LEO1: variants seen among roughly 807,000 people sequenced by gnomAD.
LEO1 encodes LEO1 component of Paf1/RNA polymerase II complex, also known as RNA polymerase-associated protein LEO1.
A neutral mutation model predicts 80.4 loss-of-function variants in LEO1; 34 were observed. That is an observed-to-expected ratio of 0.42 (90% CI 0.32 to 0.56). LEO1 has a LOEUF of 0.56. LEO1 is among the 20% of genes least tolerant of loss of function. LEO1 has a pLI of 0.10. For missense variants in LEO1, 631 were observed against 814.2 expected (o/e 0.77, Z 2.74); for synonymous variants, 262 against 274.9 (o/e 0.95, Z 0.46).
chr15:51,958,859 A>G lies in LEO1; in HGVS notation c.1161-33T>C, dbSNP rs552225174. 7 of 1,181,914 alleles carry G rather than the reference A, an allele frequency of 5.9e-6. No homozygotes were observed. In the South Asian group the frequency reaches 8.2e-5, roughly 14 times the overall value. The allele number at this position is 1,181,914 out of a possible 1,614,324, so 73.2% of individuals were successfully genotyped here. A position where few individuals can be genotyped will look rare whatever the true frequency, so the allele number is the denominator to read the frequency against. On this transcript the variant is annotated intron_variant, in intron 5 of 11. Coordinates refer to ENST00000299601, the MANE Select transcript of LEO1 (RefSeq NM_138792.4). ...TTGTTTTCCAAATAAACTATTAATCATATTTTATAAAGAATATTACTGCTA... is the reference window on the plus strand; with the variant it reads ...TTGTTTTCCAAATAAACTATTAATCGTATTTTATAAAGAATATTACTGCTA...
chr15:51,952,810 A>G (rs757728958), intron 8 of LEO1, among the ~76,000 whole-genome samples: 4 of 152,252 alleles, frequency 2.6e-5, no homozygotes, highest in African/African-American at 4.8e-5. Context: ...ACTAAAAACA[A>G]AGGACACACT....
Position 51,953,126 on chromosome 15 carries a change from T to C in LEO1, c.1475+3A>G, listed in dbSNP as rs747364579. 3 of 1,606,862 alleles carry C rather than the reference T, an allele frequency of 1.9e-6. No homozygotes were observed. Among genetic ancestry groups the C allele is most frequent in the South Asian group, 1.1e-5 (1 of 90,166 alleles). ...AATAATACATAATAATAATAACAGT[T>C]ACCTGAAGGTGAGTTTCGTTTTAAA... On this transcript the variant is annotated splice_donor_region_variant and intron_variant, in intron 8 of 11. Coordinates refer to ENST00000299601, the MANE Select transcript of LEO1 (RefSeq NM_138792.4).
intron 2 of LEO1, among the ~76,000 whole-genome samples, chr15:51,964,704 G>A (rs1163934392): frequency 6.6e-6 from 1 of 152,152 alleles, no homozygotes; most frequent in Non-Finnish European, 1.5e-5. Context: ...TGAGGTGTGT[G>A]TTAGATGCCC....
At chr15:51,940,335 C>T (rs1267068261) in intron 11 of LEO1, among the ~76,000 whole-genome samples, 2 of 146,770 alleles carry the variant, frequency 1.4e-5, no homozygotes, top group Non-Finnish European at 3.0e-5. Context: ...CCGAGGTGGG[C>T]AGATCACGAG....
chr15:51,943,112 G>T (rs922499680), intron 11 of LEO1, among the ~76,000 whole-genome samples: 2 of 152,072 alleles, frequency 1.3e-5, no homozygotes, highest in African/African-American at 4.8e-5. Context: ...GGGCGTGGTG[G>T]TTCACACCTG....
intron 9 of LEO1, among the ~76,000 whole-genome samples, chr15:51,950,492 T>G (rs889494538): frequency 6.6e-6 from 1 of 152,178 alleles, no homozygotes; most frequent in Admixed American, 6.5e-5. Flanking sequence ...CGGCTCCTGA[T>G]GACAGGTTGG....
Position 51,960,738 on chromosome 15 carries a change from A to C in LEO1, c.920-5T>G. 6.4e-7 allele frequency: 1 copy of C among 1,553,030 alleles called. No homozygotes were observed. ...AATCCATGGTTCCACTATTATCTTC[A>C]ATGCAGAAGGAAAAAGGCATTAGTG... is the stretch of plus-strand genomic sequence containing the variant. On this transcript the variant is annotated splice_region_variant and splice_polypyrimidine_tract_variant and intron_variant, in intron 3 of 11. Transcript: ENST00000299601.
intron 5 of LEO1, 88 bp downstream of exon 5, chr15:51,959,811 A>G (rs1014596346): frequency 3.4e-5 from 43 of 1,256,696 alleles, no homozygotes; most frequent in Non-Finnish European, 4.4e-5. Flanking sequence ...CGTTTTTGTG[A>G]TTTGTCAACT....
At chr15:51,954,762 GA>G (rs1031119094) in intron 6 of LEO1, 187 bp from the exon 7 acceptor site, 7 of 549,352 alleles carry the variant, frequency 1.3e-5, no homozygotes, top group South Asian at 2.3e-5. Context: ...TAAAAGCAGG[GA>G]AAAAAATATG....
chr15:51,946,351 C>T (rs2056901137), intron 11 of LEO1, among the ~76,000 whole-genome samples: 2 of 152,068 alleles, frequency 1.3e-5, no homozygotes, highest in South Asian at 2.1e-4. Context: ...GCATGCGCCA[C>T]CACGCCCTGC....
At chr15:51,943,351 C>T (rs1196341478) in intron 11 of LEO1, among the ~76,000 whole-genome samples, 1 of 150,812 alleles carries the variant, frequency 6.6e-6, no homozygotes, top group East Asian at 1.9e-4. Flanking sequence ...TGCACTCCAG[C>T]CTGGGCGACA....
intron 1 of LEO1, among the ~76,000 whole-genome samples, chr15:51,967,665 T>G (rs1434570549): frequency 1.3e-5 from 2 of 152,174 alleles, no homozygotes; most frequent in African/African-American, 4.8e-5. Flanking sequence ...TCATCCCATA[T>G]GAGGAACGCT....
intron 1 of LEO1, 36 bp downstream of exon 1, chr15:51,971,652 G>A (rs1704827466): frequency 6.2e-7 from 1 of 1,608,410 alleles, no homozygotes; most frequent in African/African-American, 1.3e-5. Flanking sequence ...CGGAAGGCCT[G>A]CCACGCACCC....
intron 1 of LEO1, among the ~76,000 whole-genome samples, chr15:51,968,782 T>C (rs1192550949): frequency 6.6e-6 from 1 of 151,854 alleles, no homozygotes; most frequent in Non-Finnish European, 1.5e-5. Context: ...TAAGCCGAGA[T>C]TGCGCCACTG....
chr15:51,951,723 A>G lies in LEO1; in HGVS notation c.1611+121T>C, dbSNP rs552256080. 5 of 811,198 alleles carry G rather than the reference A, an allele frequency of 6.2e-6. No homozygotes were observed. In the African/African-American group the frequency reaches 6.9e-5, roughly 11 times the overall value. 50.3% of individuals were successfully genotyped at this position (811,198 alleles called of 1,614,324 possible). ...GCTGAGGAAATGAATCCAGCTCCCT[A>G]TTCATGTCAGTTGGAAGAGGAAAAG... On this transcript the variant is annotated intron_variant, in intron 9 of 11. Transcript: ENST00000299601.
chr15:51,944,428 A>G (rs1475301774), intron 11 of LEO1, among the ~76,000 whole-genome samples: 1 of 152,246 alleles, frequency 6.6e-6, no homozygotes, highest in Non-Finnish European at 1.5e-5. Context: ...CAAGAGGGTA[A>G]AATATATTTC....
intron 11 of LEO1, among the ~76,000 whole-genome samples, chr15:51,940,487 G>C (rs1271496188): frequency 6.6e-6 from 1 of 151,854 alleles, no homozygotes; most frequent in Non-Finnish European, 1.5e-5. Flanking sequence ...CTTAAACCCG[G>C]GAGATGGAGG....
chr15:51,961,502 C>G (rs781662521), intron 3 of LEO1, among the ~76,000 whole-genome samples: 1 of 151,990 alleles, frequency 6.6e-6, no homozygotes, highest in Non-Finnish European at 1.5e-5. Context: ...AAGCGATTCT[C>G]GTGCCTCAGC....
rs1280329775 is a variant in LEO1, at chr15:51,962,501, G to A, written c.815-8C>T. The A allele has an allele frequency of 6.3e-7, 1 of 1,578,022 alleles. No individual in the cohort carries two copies. Among genetic ancestry groups the A allele is most frequent in the African/African-American group, 1.4e-5 (1 of 74,014 alleles). On this transcript the variant is annotated splice_region_variant and splice_polypyrimidine_tract_variant and intron_variant, in intron 2 of 11. Transcript: ENST00000299601. ...CACTGCCTCTTGCAGATTCTATAAGGGTAGAATTAGAAGTTCTGCATAATC... is the reference window on the plus strand; with the variant it reads ...CACTGCCTCTTGCAGATTCTATAAGAGTAGAATTAGAAGTTCTGCATAATC...
Sources: gnomAD v4.1 joint callset for allele counts (sites outside exome capture counted in the v4.1 genomes callset) on GRCh38, gnomAD v4.1.1 for gene constraint, MANE v1.5 for transcripts, NCBI Gene and HGNC (gene_info 2026-07-23, HGNC 2026-07-21) for gene names.